Variants in LOX observed in about 807,000 individuals in gnomAD.
The protein encoded by LOX is lysyl oxidase.
Under a neutral mutation model 50.5 loss-of-function variants are expected in LOX, and 12 were observed. That is an observed-to-expected ratio of 0.24 (90% CI 0.15 to 0.38). LOX has a LOEUF of 0.38. Ranked by LOEUF, LOX falls within the 10% of genes least tolerant of loss-of-function variation. The pLI is 1.00. For missense variants in LOX, 504 were observed against 563.8 expected (o/e 0.89, Z 1.07); for synonymous variants, 254 against 230.6 (o/e 1.10, Z -0.92).
At position 122,077,440 on chromosome 5, in the gene LOX, A is replaced by T; in HGVS notation, c.546T>A (p.Pro182=). The change falls in exon 1 of 7, where the codon CCT becomes CCA. Residue 182 remains proline (P), a synonymous_variant. Coordinates refer to ENST00000231004, the MANE Select transcript of LOX (RefSeq NM_002317.7). The surrounding 1 kb of genome is among the most constrained non-coding windows in gnomAD (Gnocchi z 4.9). ...CATAAGTATCGTAGTAGTTGTAATA[A>T]GGGTTGTCGTCAGAGTACTTGTAGG... is the stretch of plus-strand genomic sequence containing the variant. The part of the protein sequence containing the change: ...YNPYKYSDDN[P]YYNYYDTYER... 1 of 1,614,044 alleles carries T rather than the reference A, an allele frequency of 6.2e-7. No individual in the cohort carries two copies. Among genetic ancestry groups the T allele is most frequent in the Middle Eastern group, 1.6e-4 (1 of 6,062 alleles).
Position 122,070,126 on chromosome 5 carries a change from T to C in LOX, c.1174A>G (p.Thr392Ala). Residue 392 changes from threonine to alanine, a missense_variant, in exon 6 of 7, where the codon ACC becomes GCC. Transcript: ENST00000231004. ...ATGTCACAGCGCACAACATTGTTGG[T>C]ATAGTCAGATTCAGGAACCAGGTAG... ...PSYLVPESDY[T>A]NNVVRCDIRY... The C allele has an allele frequency of 6.2e-7, 1 of 1,613,248 alleles. No homozygotes were observed. Among genetic ancestry groups the C allele is most frequent in the Non-Finnish European group, 8.5e-7 (1 of 1,179,354 alleles).
chr5:122,068,105 G>T (rs1480150507), intron 6 of LOX, among the ~76,000 whole-genome samples: 2 of 145,858 alleles, frequency 1.4e-5, no homozygotes, highest in Non-Finnish European at 1.5e-5. Context: ...ATTTTCATCT[G>T]GTTTATATTA....
In LOX at chr5:122,065,885, A is replaced by G. The variant is rs1754286649; in HGVS notation, c.*858T>C. The G allele has an allele frequency of 6.6e-6, 1 of 152,066 alleles. No individual in the cohort carries two copies. The highest frequency in any genetic ancestry group is 2.4e-5 in the African/African-American group (1 of 41,418). The allele number at this position is 152,066 out of a possible 1,614,324, so 9.4% of individuals were successfully genotyped here. A position where few individuals can be genotyped will look rare whatever the true frequency, so the allele number is the denominator to read the frequency against. On this transcript the variant is annotated 3_prime_UTR_variant, in exon 7 of 7. Transcript: ENST00000231004. Reference sequence around the variant, plus strand: ...TTAAATGCATTTTACCTCTGGATGTATCACATCAGTCATCAAAATGACTTT... The same window carrying G: ...TTAAATGCATTTTACCTCTGGATGTGTCACATCAGTCATCAAAATGACTTT...
intron 4 of LOX, 186 bp from the exon 5 acceptor site, chr5:122,070,775 A>AAG (rs1754427683): frequency 2.2e-6 from 1 of 456,106 alleles, no homozygotes. Flanking sequence ...CCAGCTAAAA[A>AAG]AGATACAGGA....
intron 6 of LOX, among the ~76,000 whole-genome samples, chr5:122,068,006 T>C (rs1561416079): frequency 6.6e-6 from 1 of 152,014 alleles, no homozygotes; most frequent in Non-Finnish European, 1.5e-5. Flanking sequence ...GGGGTTTTTT[T>C]CTCAAATATT....
Position 122,077,236 on chromosome 5 carries a change from TG to T in LOX, c.631+118del. The T allele has an allele frequency of 6.6e-7, 1 of 1,511,814 alleles. No homozygotes were observed. The highest frequency in any genetic ancestry group is 2.4e-5 in the East Asian group (1 of 41,384). 93.6% of individuals were successfully genotyped at this position (1,511,814 alleles called of 1,614,324 possible). On this transcript the variant is annotated intron_variant, in intron 1 of 6. Coordinates refer to ENST00000231004, the MANE Select transcript of LOX (RefSeq NM_002317.7). This position sits in a 1 kb window ranked among gnomAD's most constrained non-coding sequence, Gnocchi z 4.9. ...TTCCAGGGCTGCCACTGCAGGCGCG[TG>T]GGGGAGGGATCGGATCTGCGAGGAC...
chr5:122,073,343 A>G (rs1009404676), intron 4 of LOX, among the ~76,000 whole-genome samples: 3 of 152,198 alleles, frequency 2.0e-5, no homozygotes, highest in African/African-American at 7.2e-5. Context: ...TCCAAACAAC[A>G]TCTGACATCA....
intron 4 of LOX, among the ~76,000 whole-genome samples, chr5:122,072,484 ATTT>A (rs1326540379): frequency 1.3e-5 from 2 of 152,182 alleles, no homozygotes; most frequent in Non-Finnish European, 2.9e-5. Context: ...TAATATGTAA[ATTT>A]TTGTCTCAGA....
intron 2 of LOX, among the ~76,000 whole-genome samples, chr5:122,076,592 G>C (rs1754641996): frequency 6.6e-6 from 1 of 152,130 alleles, no homozygotes; most frequent in Non-Finnish European, 1.5e-5. Context: ...AAAGTGATTG[G>C]AACAATTGAC....
Position 122,077,777 on chromosome 5 carries a change from C to G in LOX, c.209G>C (p.Arg70Pro). The part of the protein sequence containing the change: ...LGSQYQPQRR[R>P]DPGAAVPGAA... The stretch of plus-strand genomic sequence containing the variant: ...ACCAGGGACGGCGGCGCCCGGGTCC[C>G]GGCGGCGCTGAGGCTGGTACTGTGA... Residue 70 changes from arginine (R) to proline (P), a missense_variant, in exon 1 of 7, where the codon CGG becomes CCG. Transcript: ENST00000231004. The surrounding 1 kb of genome is among the most constrained non-coding windows in gnomAD (Gnocchi z 4.9). 1 of 1,548,960 alleles carries G rather than the reference C, an allele frequency of 6.5e-7. No homozygotes were observed.
intron 3 of LOX, 139 bp from the exon 4 acceptor site, chr5:122,074,308 A>G: frequency 1.5e-6 from 1 of 680,354 alleles, no homozygotes; most frequent in Non-Finnish European, 2.4e-6. Context: ...TAAAAGAGAG[A>G]TTCATGCTAG....
At chr5:122,067,600 G>A (rs1754333300) in intron 6 of LOX, among the ~76,000 whole-genome samples, 2 of 152,210 alleles carry the variant, frequency 1.3e-5, no homozygotes, top group African/African-American at 4.8e-5. Flanking sequence ...TGCTCAAAAA[G>A]CTTCAGCCTC....
rs1409006990 is a variant in LOX at position 122,065,695 on chromosome 5, C to T, written c.*1048G>A. On this transcript the variant is annotated 3_prime_UTR_variant, in exon 7 of 7. Transcript: ENST00000231004. Reference sequence around the variant, plus strand: ...ATAATATAAAATTTTTAACATTCCTCTAATAGCTGAACATCTTTTTAAAAT... The same window carrying T: ...ATAATATAAAATTTTTAACATTCCTTTAATAGCTGAACATCTTTTTAAAAT... 1 of 152,024 alleles carries T rather than the reference C, an allele frequency of 6.6e-6. No homozygotes were observed. The highest frequency in any genetic ancestry group is 1.5e-5 in the Non-Finnish European group (1 of 67,980). The allele number at this position is 152,024 out of a possible 1,614,324, so 9.4% of individuals were successfully genotyped here.
intron 6 of LOX, among the ~76,000 whole-genome samples, chr5:122,067,476 T>C (rs1195829119): frequency 6.6e-6 from 1 of 152,108 alleles, no homozygotes; most frequent in African/African-American, 2.4e-5. Context: ...CTCTTAAATA[T>C]CTGGCAGGAA....
chr5:122,072,955 A>C (rs1201208539), intron 4 of LOX, among the ~76,000 whole-genome samples: 2 of 152,228 alleles, frequency 1.3e-5, no homozygotes, highest in African/African-American at 4.8e-5. Context: ...GCACACATGA[A>C]TAATGTGTGG....
chr5:122,068,106 G>T (rs1231120821), intron 6 of LOX, among the ~76,000 whole-genome samples: 1 of 141,742 alleles, frequency 7.1e-6, no homozygotes, highest in Non-Finnish European at 1.5e-5. Flanking sequence ...TTTTCATCTG[G>T]TTTATATTAG....
rs1754665112 is a variant in LOX at position 122,077,249 on chromosome 5, G to A, written c.631+106C>T. Reference sequence around the variant, plus strand: ...ACTGCAGGCGCGTGGGGGAGGGATCGGATCTGCGAGGACCGGGGCCCGCCG... The same window carrying A: ...ACTGCAGGCGCGTGGGGGAGGGATCAGATCTGCGAGGACCGGGGCCCGCCG... On this transcript the variant is annotated intron_variant, in intron 1 of 6. Transcript: ENST00000231004. This position sits in a 1 kb window ranked among gnomAD's most constrained non-coding sequence, Gnocchi z 4.9. The A allele has an allele frequency of 6.5e-7, 1 of 1,534,572 alleles. No individual in the cohort carries two copies. The highest frequency in any genetic ancestry group is 8.8e-7 in the Non-Finnish European group (1 of 1,142,042).
rs760202356 is a variant in LOX at position 122,077,318 on chromosome 5, G to T, written c.631+37C>A. The T allele has an allele frequency of 7.9e-5, 128 of 1,612,712 alleles. No individual in the cohort carries two copies. Among genetic ancestry groups the T allele is most frequent in the Non-Finnish European group, 1.1e-4 (124 of 1,179,770 alleles). On this transcript the variant is annotated intron_variant, in intron 1 of 6. Coordinates refer to ENST00000231004, the MANE Select transcript of LOX (RefSeq NM_002317.7). The surrounding 1 kb of genome is among the most constrained non-coding windows in gnomAD (Gnocchi z 4.9). ...GAGAAGCCACATAGCTGGGGACCAG[G>T]TGCACGGGTGCTTCCAGCGGACTTG...
chr5:122,073,851 C>T (rs1199169093), intron 4 of LOX, among the ~76,000 whole-genome samples, 162 bp downstream of exon 4: 4 of 152,198 alleles, frequency 2.6e-5, no homozygotes, highest in African/African-American at 4.8e-5. Context: ...AAATACTAGA[C>T]TCATGGGGTA....
Sources: gnomAD v4.1 joint callset for allele counts (sites outside exome capture counted in the v4.1 genomes callset) on GRCh38, gnomAD v4.1.1 for gene constraint, Gnocchi (gnomAD v3.1) non-coding constraint, MANE v1.5 for transcripts, NCBI Gene and HGNC (gene_info 2026-07-23, HGNC 2026-07-21) for gene names.